IL23R: variants seen among roughly 807,000 people sequenced by gnomAD.
The protein encoded by IL23R is interleukin-23 receptor.
A neutral mutation model predicts 56.9 loss-of-function variants in IL23R; 34 were observed. The ratio of observed to expected loss-of-function variants is 0.60; its 90% CI spans 0.45 to 0.80. The LOEUF (loss-of-function observed/expected upper bound fraction) is 0.80, where lower values mean the gene tolerates loss of function less well. IL23R is among the 30% of genes least tolerant of loss of function. IL23R has a pLI of 0.00. For synonymous variants in IL23R, 230 were observed against 249.2 expected, an observed-to-expected ratio of 0.92 and a Z score of 0.73; for missense variants, 635 against 730.0, an observed-to-expected ratio of 0.87 and a Z score of 1.50.
chr1:67,175,883 G>A (rs1647001526), intron 3 of IL23R, among the ~76,000 whole-genome samples: 1 of 152,136 alleles, frequency 6.6e-6, no homozygotes, highest in Non-Finnish European at 1.5e-5. Context: ...GGAGTGCAGT[G>A]TCTTGGTCAT....
chr1:67,179,260 G>A (rs1647055555), intron 3 of IL23R, among the ~76,000 whole-genome samples: 1 of 152,168 alleles, frequency 6.6e-6, no homozygotes, highest in Non-Finnish European at 1.5e-5. Context: ...ACTTTTTTTG[G>A]TTGGTAGGCT....
At chr1:67,236,982 G>A (rs1651517704) in intron 8 of IL23R, among the ~76,000 whole-genome samples, 180 bp downstream of exon 8, 1 of 152,110 alleles carries the variant, frequency 6.6e-6, no homozygotes, top group Admixed American at 6.5e-5. Flanking sequence ...TGTAAGAAGT[G>A]GCTTAGGTGG....
chr1:67,233,929 CTGTGTGTGTG>C (rs57455484), intron 7 of IL23R, among the ~76,000 whole-genome samples: 7,594 of 138,704 alleles, frequency 0.055, 661 homozygotes, highest in African/African-American at 0.19. Context: ...GTCATAAAGG[CTGTGTGTGTG>C]TGTGTGTGTG....
intron 3 of IL23R, among the ~76,000 whole-genome samples, chr1:67,177,025 C>T (rs994300777): frequency 6.6e-6 from 1 of 152,140 alleles, no homozygotes; most frequent in African/African-American, 2.4e-5. Flanking sequence ...CATTGTTGGA[C>T]ATTTGGGTTG....
downstream of IL23R, among the ~76,000 whole-genome samples, chr1:67,263,942 T>C (rs145678037): frequency 5.1e-3 from 779 of 152,180 alleles, 5 homozygotes; most frequent in African/African-American, 0.018. Context: ...GAAACAGACC[T>C]TGGAGGTCAT....
rs116492560 is a variant in IL23R, at chr1:67,215,642, T to C, written c.799-3932T>C. On this transcript the variant is annotated intron_variant, in intron 6 of 10. Coordinates refer to ENST00000347310, the MANE Select transcript of IL23R (RefSeq NM_144701.3). ...GGGCTGGGAAATTACCTGGGCATTATTGCAATCCACCTCAAAATGTCATCA... is the reference window on the plus strand; with the variant it reads ...GGGCTGGGAAATTACCTGGGCATTACTGCAATCCACCTCAAAATGTCATCA... 3.3e-5 allele frequency among the ~76,000 whole-genome samples: 5 copies of C among 152,322 alleles called. 1 individual carries two copies. The highest frequency in any genetic ancestry group is 4.8e-5 in the African/African-American group (2 of 41,578).
intron 4 of IL23R, among the ~76,000 whole-genome samples, chr1:67,186,289 CT>C (rs1317256979): frequency 2.0e-5 from 3 of 152,222 alleles, no homozygotes; most frequent in Non-Finnish European, 2.9e-5. Flanking sequence ...ATCTCCTGAA[CT>C]GCTTATCCTG....
intron 3 of IL23R, among the ~76,000 whole-genome samples, chr1:67,170,926 A>T (rs1646935411): frequency 6.6e-6 from 1 of 152,234 alleles, no homozygotes; most frequent in Non-Finnish European, 1.5e-5. Flanking sequence ...AACTATAGAA[A>T]GTTGTAGAGG....
chr1:67,160,978 C>T (rs1300518227), intron 1 of IL23R, among the ~76,000 whole-genome samples: 1 of 152,182 alleles, frequency 6.6e-6, no homozygotes, highest in Non-Finnish European at 1.5e-5. Context: ...TTATCATCAG[C>T]TATTGTTTAT....
At chr1:67,254,681 CAATTTA>C (rs1652842752) in intron 9 of IL23R, among the ~76,000 whole-genome samples, 1 of 152,118 alleles carries the variant, frequency 6.6e-6, no homozygotes, top group Non-Finnish European at 1.5e-5. Context: ...CTTTGAGAAC[CAATTTA>C]AACAAATAAG....
intron 7 of IL23R, among the ~76,000 whole-genome samples, chr1:67,228,051 TTC>T (rs1650808925): frequency 9.7e-6 from 1 of 103,368 alleles, no homozygotes; most frequent in African/African-American, 4.1e-5. Context: ...TTCTCTTTCT[TTC>T]TTTCTTTCTC....
intron 9 of IL23R, among the ~76,000 whole-genome samples, chr1:67,242,018 A>G (rs1651886820): frequency 6.6e-6 from 1 of 152,194 alleles, no homozygotes; most frequent in Admixed American, 6.6e-5. Context: ...CATAACTTTC[A>G]CAAGAGAATT....
chr1:67,171,950 G>A lies in IL23R; in HGVS notation c.367+2312G>A, dbSNP rs1646949496. Among the ~76,000 whole-genome samples, 2 of 152,140 alleles carry A rather than the reference G, an allele frequency of 1.3e-5. 1 individual carries two copies. The highest frequency in any genetic ancestry group is 1.3e-4 in the Admixed American group (2 of 15,262). ...AGAATGGACTTTGTTCCTCTTCCAG[G>A]ACAGCCTAATAGAAATACATTCTCT... On this transcript the variant is annotated intron_variant, in intron 3 of 10. Transcript: ENST00000347310.
At chr1:67,201,915 G>T (rs1423448437) in intron 5 of IL23R, among the ~76,000 whole-genome samples, 1 of 151,760 alleles carries the variant, frequency 6.6e-6, no homozygotes, top group Non-Finnish European at 1.5e-5. Flanking sequence ...CCTATTGTTG[G>T]AGATTAACAC....
intron 7 of IL23R, among the ~76,000 whole-genome samples, chr1:67,228,704 C>T (rs147589978): frequency 8.5e-4 from 129 of 152,244 alleles, no homozygotes; most frequent in Non-Finnish European, 1.5e-3. Flanking sequence ...AGGACAGAAT[C>T]AGTTTCATTG....
At chr1:67,221,788 TA>T (rs2100239218) in intron 7 of IL23R, among the ~76,000 whole-genome samples, 1 of 152,312 alleles carries the variant, frequency 6.6e-6, no homozygotes, top group Admixed American at 6.5e-5. Context: ...ACATACATTA[TA>T]AATATTGATG....
intron 9 of IL23R, among the ~76,000 whole-genome samples, chr1:67,246,843 C>G (rs1483558720): frequency 2.0e-5 from 3 of 152,166 alleles, no homozygotes; most frequent in Non-Finnish European, 4.4e-5. Context: ...TGGTCCAGAG[C>G]TGAGTTCAAG....
intron 3 of IL23R, among the ~76,000 whole-genome samples, chr1:67,177,345 G>C (rs1380359719): frequency 6.6e-6 from 1 of 152,144 alleles, no homozygotes; most frequent in African/African-American, 2.4e-5. Context: ...TTGTGGTTTT[G>C]ATTTGCATTT....
intron 4 of IL23R, among the ~76,000 whole-genome samples, chr1:67,192,409 G>A (rs556739842): frequency 2.9e-4 from 44 of 152,232 alleles, no homozygotes; most frequent in African/African-American, 1.1e-3. Flanking sequence ...TCTGACAAAA[G>A]TGATTTCATC....
Sources: gnomAD v4.1 joint callset for allele counts (sites outside exome capture counted in the v4.1 genomes callset) on GRCh38, gnomAD v4.1.1 for gene constraint, MANE v1.5 for transcripts, NCBI Gene and HGNC (gene_info 2026-07-23, HGNC 2026-07-21) for gene names.